Variants in ACAT2 observed in about 807,000 individuals in gnomAD.
ACAT2 encodes the protein acetyl-CoA acetyltransferase, cytosolic.
ACAT2 carries 26 observed loss-of-function variants against 37.1 expected under a neutral mutation model. That is an observed-to-expected ratio of 0.70 (90% CI 0.51 to 0.97). The LOEUF (loss-of-function observed/expected upper bound fraction) is 0.97. Among genes scored for constraint, ACAT2 ranks in the 50% least tolerant of loss-of-function variants. ACAT2 has a pLI of 0.00. For synonymous variants in ACAT2, 156 were observed against 163.6 expected (o/e 0.95, Z 0.35); for missense variants, 468 against 489.0 (o/e 0.96, Z 0.40).
rs765044833 is a variant in ACAT2, at chr6:159,763,629, C to CTTTTTTTT, written c.190+597_190+604dup. ...ACCACCTACACTGCCTTTTCTTTTC[C>CTTTTTTTT]TTTTTTTTTTTTTTTTTTTTTTTTT... On this transcript the variant is annotated intron_variant, in intron 2 of 8. Coordinates refer to ENST00000367048, the MANE Select transcript of ACAT2 (RefSeq NM_005891.3). Among the ~76,000 whole-genome samples, 166 of 76,408 alleles carry CTTTTTTTT rather than the reference C, an allele frequency of 2.2e-3. 19 individuals are homozygous for CTTTTTTTT. The highest frequency in any genetic ancestry group is 7.6e-3 in the African/African-American group (136 of 17,890). 50.1% of individuals were successfully genotyped at this position (76,408 alleles called of 152,430 possible).
At chr6:159,762,503 A>G in intron 1 of ACAT2, 1 of 1,299,292 alleles carries the variant, frequency 7.7e-7, no homozygotes, top group African/African-American at 1.5e-5. Context: ...CAGGGGCGGA[A>G]CTGCTAGGTG....
chr6:159,778,948 CAA>C lies in ACAT2; in HGVS notation c.*120_*121del. The stretch of plus-strand genomic sequence containing the variant: ...AACCATTTCCTACATCACAAAAACC[CAA>C]GTTTACAGCTTGTACTTTACTTTAA... On this transcript the variant is annotated 3_prime_UTR_variant, in exon 9 of 9. Coordinates refer to ENST00000367048, the MANE Select transcript of ACAT2 (RefSeq NM_005891.3). 1 of 1,558,292 alleles carries C rather than the reference CAA, an allele frequency of 6.4e-7. No individual in the cohort carries two copies. Among genetic ancestry groups the C allele is most frequent in the Non-Finnish European group, 8.7e-7 (1 of 1,145,912 alleles).
rs533319341 is a variant in ACAT2, at chr6:159,773,616, C to T, written c.491-1554C>T. ...CTGCCCAAATTTTGAACAATTTCAG[C>T]GTGCAAATAAGTTATGATAGTAATG... On this transcript the variant is annotated intron_variant, in intron 4 of 8. Coordinates refer to ENST00000367048, the MANE Select transcript of ACAT2 (RefSeq NM_005891.3). Among the ~76,000 whole-genome samples the T allele has an allele frequency of 7.9e-5, 12 of 152,176 alleles. No individual in the cohort carries two copies. In the East Asian group the frequency reaches 1.7e-3, roughly 22 times the overall value.
intron 1 of ACAT2, chr6:159,762,485 G>A (rs1434338810): frequency 5.3e-6 from 7 of 1,313,404 alleles, no homozygotes; most frequent in Non-Finnish European, 6.8e-6. Context: ...CATCGGTAAT[G>A]CCTGCGGCAG....
chr6:159,762,093 T>C lies in ACAT2; in HGVS notation c.6T>C (p.Asn2=). The C allele has an allele frequency of 1.2e-6, 2 of 1,613,100 alleles. No individual in the cohort carries two copies. Among genetic ancestry groups the C allele is most frequent in the South Asian group, 1.1e-5 (1 of 90,888 alleles). M[N]AGSDPVVIVS... ...ACGGCGGCAGGAGAAGCAAGATGAA[T>C]GCAGGCTCAGATCCTGTGGTCATCG... Residue 2 remains asparagine, a synonymous_variant, in exon 1 of 9, where the codon AAT becomes AAC. Transcript: ENST00000367048.
In ACAT2 at chr6:159,776,064, T is replaced by C. The variant is rs1436839869; in HGVS notation, c.635-86T>C. The C allele has an allele frequency of 2.8e-6, 4 of 1,453,250 alleles. No homozygotes were observed. The East Asian group carries it at 6.9e-5, about 25-fold the overall frequency. The allele number at this position is 1,453,250 out of a possible 1,614,324, so 90.0% of individuals were successfully genotyped here. ...CTTTTCTGCTAAATATGAATCCTCA[T>C]GTTTAATGGCAGAGAACCCACCATT... On this transcript the variant is annotated intron_variant, in intron 5 of 8. Coordinates refer to ENST00000367048, the MANE Select transcript of ACAT2 (RefSeq NM_005891.3).
At position 159,763,052 on chromosome 6, in the gene ACAT2, A is replaced by G. The variant is rs1780180302; in HGVS notation, c.189A>G (p.Ala63=). The change falls in exon 2 of 9, where the codon GCA becomes GCG. Residue 63 remains alanine (A), a splice_region_variant and synonymous_variant. Coordinates refer to ENST00000367048, the MANE Select transcript of ACAT2 (RefSeq NM_005891.3). The stretch of plus-strand genomic sequence containing the variant: ...TCATCTTTGGACATGTCTTGGCAGC[A>G]GGTAAGTCTCAGTGATTCCAGGAGA... ...SEVIFGHVLA[A]GCGQNPVRQA... 6.2e-7 allele frequency: 1 copy of G among 1,609,966 alleles called. No homozygotes were observed.
In ACAT2 at chr6:159,762,472, C is replaced by G. The variant is rs1780162874; in HGVS notation, c.55+330C>G. 11 of 1,324,896 alleles carry G rather than the reference C, an allele frequency of 8.3e-6. No homozygotes were observed. The East Asian group carries it at 3.7e-4, about 45-fold the overall frequency. 82.1% of individuals were successfully genotyped at this position (1,324,896 alleles called of 1,614,324 possible). A position where few individuals can be genotyped will look rare whatever the true frequency, so the allele number is the denominator to read the frequency against. The stretch of plus-strand genomic sequence containing the variant: ...CCCCTGATTGGCCGGCTCCGGGAGG[C>G]GCCATCGGTAATGCCTGCGGCAGGG... On this transcript the variant is annotated intron_variant, in intron 1 of 8. Transcript: ENST00000367048.
intron 1 of ACAT2, chr6:159,762,343 A>G: frequency 8.0e-7 from 1 of 1,242,310 alleles, no homozygotes; most frequent in South Asian, 1.6e-5. Context: ...TCCTCTCCCG[A>G]TGTGCGCACT....
In ACAT2 at chr6:159,768,506, T is replaced by C; in HGVS notation, c.373-5T>C. ...CCTAAATCCATTTTTATTTCTGACT[T>C]CTAGGCTCCTCACTTGGCTTACTTG... On this transcript the variant is annotated splice_polypyrimidine_tract_variant and splice_region_variant and intron_variant, in intron 3 of 8. Transcript: ENST00000367048. The C allele has an allele frequency of 6.3e-7, 1 of 1,598,820 alleles. No homozygotes were observed. Among genetic ancestry groups the C allele is most frequent in the Non-Finnish European group, 8.6e-7 (1 of 1,166,238 alleles).
intron 2 of ACAT2, among the ~76,000 whole-genome samples, chr6:159,765,206 C>T (rs1035323428): frequency 1.3e-5 from 2 of 151,824 alleles, no homozygotes; most frequent in African/African-American, 2.4e-5. Context: ...ACCTCTGCCT[C>T]CCGGGTTCCA....
chr6:159,776,888 A>C (rs111765316), intron 6 of ACAT2, among the ~76,000 whole-genome samples: 2,878 of 152,104 alleles, frequency 0.019, 105 homozygotes, highest in African/African-American at 0.066. Flanking sequence ...TCCCAGGTTC[A>C]AGCAATTCTC....
intron 1 of ACAT2, chr6:159,762,548 C>G: frequency 6.1e-6 from 8 of 1,318,004 alleles, no homozygotes; most frequent in Non-Finnish European, 7.9e-6. Flanking sequence ...GTCGGGCTGT[C>G]ACACAATGGC....
intron 2 of ACAT2, among the ~76,000 whole-genome samples, chr6:159,764,432 A>G (rs1780221331): frequency 6.6e-6 from 1 of 151,442 alleles, no homozygotes; most frequent in African/African-American, 2.4e-5. Flanking sequence ...TAATTAATTA[A>G]TTAATTATTA....
At chr6:159,762,241 GA>G in intron 1 of ACAT2, 99 bp downstream of exon 1, 1 of 1,427,410 alleles carries the variant, frequency 7.0e-7, no homozygotes, top group Non-Finnish European at 9.3e-7. Context: ...GTATGTGGAG[GA>G]AGCCGGTCAG....
At chr6:159,764,631 G>A (rs556711460) in intron 2 of ACAT2, among the ~76,000 whole-genome samples, 7 of 152,146 alleles carry the variant, frequency 4.6e-5, no homozygotes, top group Non-Finnish European at 7.4e-5. Flanking sequence ...TTTTTTTGTA[G>A]AAGTGGAGTC....
Position 159,778,789 on chromosome 6 carries a change from G to A in ACAT2, c.1154G>A (p.Gly385Glu). Residue 385 changes from glycine to glutamate, a missense_variant, in exon 9 of 9, where the codon GGG (glycine) becomes GAG (glutamate). By Grantham distance (98) the Gly-to-Glu change is moderately conservative. Coordinates refer to ENST00000367048, the MANE Select transcript of ACAT2 (RefSeq NM_005891.3). ...RSRGVAALCIGGGMGIAMCVQ... is the reference protein window; with the variant it reads ...RSRGVAALCIEGGMGIAMCVQ... The stretch of plus-strand genomic sequence containing the variant: ...CGTGGTGTTGCAGCCCTGTGCATTG[G>A]GGGTGGGATGGGAATAGCAATGTGT... 1 of 1,614,202 alleles carries A rather than the reference G, an allele frequency of 6.2e-7. No homozygotes were observed. Among genetic ancestry groups the A allele is most frequent in the South Asian group, 1.1e-5 (1 of 91,090 alleles).
chr6:159,776,364 T>A (rs1316789136), intron 6 of ACAT2, 92 bp downstream of exon 6: 10 of 1,434,294 alleles, frequency 7.0e-6, no homozygotes, highest in Non-Finnish European at 9.3e-6. Flanking sequence ...ACAAAAGTAC[T>A]ATTTTTTGGG....
At chr6:159,778,308 C>A in intron 8 of ACAT2, 28 bp downstream of exon 8, 1 of 1,472,720 alleles carries the variant, frequency 6.8e-7, no homozygotes, top group Non-Finnish European at 9.3e-7. Flanking sequence ...ACCCTGAGAG[C>A]TTACCAGTGA....
Sources: gnomAD v4.1 joint callset for allele counts (sites outside exome capture counted in the v4.1 genomes callset) on GRCh38, gnomAD v4.1.1 for gene constraint, MANE v1.5 for transcripts, NCBI Gene and HGNC (gene_info 2026-07-23, HGNC 2026-07-21) for gene names.